The following DGAT2L6 variants were observed in gnomAD, a reference collection of about 807,000 sequenced individuals.
The protein encoded by DGAT2L6 is diacylglycerol O-acyltransferase 2-like protein 6.
A neutral mutation model predicts 25.5 loss-of-function variants in DGAT2L6; 22 were observed. That is an observed-to-expected ratio of 0.86 (90% CI 0.62 to 1.23). The LOEUF (loss-of-function observed/expected upper bound fraction) is 1.23, where lower values mean the gene tolerates loss of function less well. Ranked by LOEUF, DGAT2L6 falls within the 50% of genes most tolerant of loss-of-function variation. The pLI, the probability that DGAT2L6 is intolerant of heterozygous loss-of-function variation, is 0.00. For missense variants in DGAT2L6, 287 were observed against 253.2 expected, an observed-to-expected ratio of 1.13 and a Z score of -0.91; for synonymous variants, 100 against 94.7, an observed-to-expected ratio of 1.06 and a Z score of -0.32.
intron 4 of DGAT2L6, among the ~76,000 whole-genome samples, chrX:70,201,076 G>T (rs1203673690): frequency 8.9e-6 from 1 of 111,832 alleles, no homozygotes; most frequent in Admixed American, 9.5e-5. Context: ...TCTCTCTCTG[G>T]ACAAATAGTC....
chrX:70,198,986 A>G (rs763929218), intron 1 of DGAT2L6, among the ~76,000 whole-genome samples: 1 of 112,068 alleles, frequency 8.9e-6, no homozygotes, highest in East Asian at 2.8e-4. Context: ...TCTTCTTCCC[A>G]TTCACCAAGC....
At chrX:70,202,225 C>T (rs1424982942) in intron 5 of DGAT2L6, among the ~76,000 whole-genome samples, 161 bp downstream of exon 5, 1 of 112,101 alleles carries the variant, frequency 8.9e-6, no homozygotes, top group Non-Finnish European at 1.9e-5. Flanking sequence ...ATGTTTGGGC[C>T]TCCAGATACA....
At chrX:70,191,435 C>G (rs1303302058) in intron 1 of DGAT2L6, among the ~76,000 whole-genome samples, 1 of 109,579 alleles carries the variant, frequency 9.1e-6, no homozygotes, top group African/African-American at 3.3e-5. Flanking sequence ...ATGGGTAACA[C>G]AAAGATAGGT....
chrX:70,199,395 G>T lies in DGAT2L6; in HGVS notation c.196+14G>T, dbSNP rs1163387855. 1 of 1,117,894 alleles carries T rather than the reference G, an allele frequency of 8.9e-7. No individual in the cohort carries two copies. Among genetic ancestry groups the T allele is most frequent in the East Asian group, 3.1e-5 (1 of 32,067 alleles). 92.1% of individuals were successfully genotyped at this position (1,117,894 alleles called of 1,213,427 possible). The stretch of plus-strand genomic sequence containing the variant: ...CCCACAGTCAAGGTAAGAGACAGGG[G>T]CACAATGGTGGTCCTGTTTGGGCCA... On this transcript the variant is annotated intron_variant, in intron 2 of 6. Coordinates refer to ENST00000333026, the MANE Select transcript of DGAT2L6 (RefSeq NM_198512.3).
At chrX:70,199,448 G>T in intron 2 of DGAT2L6, 67 bp downstream of exon 2, 1 of 838,544 alleles carries the variant, frequency 1.2e-6, no homozygotes, top group Admixed American at 2.8e-5. Context: ...AGAGGGAGGT[G>T]GAGGGAGAGG....
intron 1 of DGAT2L6, among the ~76,000 whole-genome samples, chrX:70,178,637 T>C: frequency 9.0e-6 from 1 of 111,295 alleles, no homozygotes; most frequent in Non-Finnish European, 1.9e-5. Flanking sequence ...AGACAGCTGG[T>C]TCCAACCCAT....
At chrX:70,199,457 G>C (rs1384238513) in intron 2 of DGAT2L6, 76 bp downstream of exon 2, 24 of 750,088 alleles carry the variant, frequency 3.2e-5, no homozygotes, top group Admixed American at 2.3e-4. Flanking sequence ...TGGAGGGAGA[G>C]GGGGAGAACC....
At chrX:70,181,513 C>A (rs931322137) in intron 1 of DGAT2L6, among the ~76,000 whole-genome samples, 3 of 112,300 alleles carry the variant, frequency 2.7e-5, no homozygotes, top group Non-Finnish European at 3.8e-5. Context: ...GGGCGTGATG[C>A]CCACAGAGGT....
At chrX:70,177,739 G>A in intron 1 of DGAT2L6, 72 bp downstream of exon 1, 4 of 948,314 alleles carry the variant, frequency 4.2e-6, no homozygotes, top group Non-Finnish European at 6.0e-6. Context: ...CAGATGAGGA[G>A]GGTTCCAAAG....
At position 70,204,357 on chromosome X, in the gene DGAT2L6, G is replaced by A. The variant is rs1226474577; in HGVS notation, c.700G>A (p.Glu234Lys). Residue 234 changes from glutamate (E) to lysine (K), a missense_variant, in exon 6 of 7, where the codon GAG (glutamate) becomes AAG (lysine). Glu to Lys is a moderately conservative substitution (Grantham distance 56). Coordinates refer to ENST00000333026, the MANE Select transcript of DGAT2L6 (RefSeq NM_198512.3). ...TGGTGAGAACGAAGTTTTCAATCAG[G>A]AGACCTTCCCTGAGGGCACGTGGTT... Reference protein sequence around the residue: ...SFGENEVFNQETFPEGTWLRL... With the variant: ...SFGENEVFNQKTFPEGTWLRL... The A allele has an allele frequency of 1.8e-5, 22 of 1,208,543 alleles. No homozygotes were observed. Among genetic ancestry groups the A allele is most frequent in the Non-Finnish European group, 2.2e-5 (20 of 894,752 alleles).
Position 70,201,993 on chromosome X carries a change from G to C in DGAT2L6, c.576G>C (p.Leu192Phe). 1.7e-6 allele frequency: 2 copies of C among 1,209,689 alleles called. No homozygotes were observed. The highest frequency in any genetic ancestry group is 2.2e-5 in the Admixed American group (1 of 45,707). The change falls in exon 5 of 7, where the codon TTG (leucine) becomes TTC (phenylalanine). Residue 192 changes from leucine to phenylalanine, a missense_variant. Coordinates refer to ENST00000333026, the MANE Select transcript of DGAT2L6 (RefSeq NM_198512.3). ...TGGGTGGAGCTGCTGAAGCTCTCTT[G>C]TGCCGACCAGGAGCCTCCACTCTCT... The part of the protein sequence containing the change: ...IVVGGAAEAL[L>F]CRPGASTLFL...
intron 1 of DGAT2L6, among the ~76,000 whole-genome samples, chrX:70,181,669 C>T (rs1362368138): frequency 8.9e-5 from 10 of 111,937 alleles, no homozygotes; most frequent in East Asian, 2.8e-4. Flanking sequence ...AATCATTGTC[C>T]GCATTTTATG....
intron 5 of DGAT2L6, among the ~76,000 whole-genome samples, chrX:70,202,413 G>A (rs772700426): frequency 2.9e-4 from 33 of 112,067 alleles, no homozygotes; most frequent in Non-Finnish European, 2.8e-4. Context: ...CACTAGCTTT[G>A]ATACCGTGAG....
chrX:70,200,269 T>G lies in DGAT2L6; in HGVS notation c.282T>G (p.His94Gln). The G allele has an allele frequency of 1.7e-6, 2 of 1,211,346 alleles. No individual in the cohort carries two copies. The change falls in exon 4 of 7, where the codon CAT (histidine) becomes CAG (glutamine). Residue 94 changes from histidine to glutamine, a missense_variant. Physicochemically the swap from His to Gln is conservative, Grantham distance 24. Transcript: ENST00000333026. ...NYFPVKLVKT[H>Q]DLSPKHNYII... ...CCCTCTAACAGCTGGTGAAGACTCA[T>G]GATCTTTCTCCCAAACACAACTACA... is the stretch of plus-strand genomic sequence containing the variant.
chrX:70,195,915 C>T (rs2085389536), intron 1 of DGAT2L6, among the ~76,000 whole-genome samples: 1 of 111,057 alleles, frequency 9.0e-6, no homozygotes, highest in African/African-American at 3.3e-5. Context: ...GTATTATATG[C>T]TTGAAATTTG....
chrX:70,199,228 C>T, intron 1 of DGAT2L6, 43 bp from the exon 2 acceptor site: 1 of 960,397 alleles, frequency 1.0e-6, no homozygotes, highest in Non-Finnish European at 1.4e-6. Flanking sequence ...TATACTAAAA[C>T]TTGAAGGGAA....
chrX:70,205,033 C>A lies in DGAT2L6; in HGVS notation c.941C>A (p.Ala314Asp). Residue 314 changes from alanine to aspartate, a missense_variant, in exon 7 of 7, where the codon GCC (alanine) becomes GAC (aspartate). Physicochemically the swap from Ala to Asp is moderately radical, Grantham distance 126. Transcript: ENST00000333026. ...VDKYHALYIS[A>D]LRKLFDQHKV... ...AAGTATCACGCACTCTACATCAGTG[C>A]CCTGCGCAAGCTCTTTGACCAACAC... 1.7e-6 allele frequency: 2 copies of A among 1,207,182 alleles called. No individual in the cohort carries two copies. The highest frequency in any genetic ancestry group is 1.1e-6 in the Non-Finnish European group (1 of 893,655).
intron 1 of DGAT2L6, among the ~76,000 whole-genome samples, chrX:70,196,389 G>C (rs1038519390): frequency 1.8e-4 from 19 of 106,508 alleles, no homozygotes; most frequent in Admixed American, 6.1e-4. Context: ...GGCTGAAGTG[G>C]GGGGATCGCT....
At chrX:70,198,114 G>A (rs1022951171) in intron 1 of DGAT2L6, among the ~76,000 whole-genome samples, 2 of 112,457 alleles carry the variant, frequency 1.8e-5, no homozygotes, top group African/African-American at 3.2e-5. Context: ...CTATGACATG[G>A]TACCTGGTCA....
Sources: gnomAD v4.1 joint callset for allele counts (sites outside exome capture counted in the v4.1 genomes callset) on GRCh38, gnomAD v4.1.1 for gene constraint, MANE v1.5 for transcripts, NCBI Gene and HGNC (gene_info 2026-07-23, HGNC 2026-07-21) for gene names.